The following CNTNAP2 variants were observed in gnomAD, a reference collection of about 807,000 sequenced individuals.
The protein encoded by CNTNAP2 is contactin-associated protein-like 2.
A neutral mutation model predicts 155.2 loss-of-function variants in CNTNAP2; 98 were observed. The ratio of observed to expected loss-of-function variants is 0.63; its 90% CI spans 0.54 to 0.75. The LOEUF is 0.75. Among genes scored for constraint, CNTNAP2 ranks in the 30% least tolerant of loss-of-function variants. CNTNAP2 has a pLI of 0.00. For synonymous variants in CNTNAP2, 651 were observed against 631.2 expected (o/e 1.03, Z -0.47); for missense variants, 1,727 against 1,688.1 (o/e 1.02, Z -0.40).
intron 1 of CNTNAP2, among the ~76,000 whole-genome samples, chr7:146,704,663 G>T (rs1800933128): frequency 2.6e-5 from 4 of 152,100 alleles, no homozygotes. Context: ...AGGTCAATTG[G>T]TTAACCAAAT....
At chr7:146,622,279 CTA>C (rs3077441) in intron 1 of CNTNAP2, among the ~76,000 whole-genome samples, 2,792 of 100,528 alleles carry the variant, frequency 0.028, 39 homozygotes, top group Middle Eastern at 0.059. Flanking sequence ...ATCTATCTAT[CTA>C]TATATATATA....
At chr7:147,011,444 A>G (rs13237136) in intron 3 of CNTNAP2, among the ~76,000 whole-genome samples, 43,739 of 127,038 alleles carry the variant, frequency 0.34, 9,193 homozygotes, top group South Asian at 0.41. Flanking sequence ...AAAAAAAAAA[A>G]GGAACAAGGT....
At chr7:146,249,643 C>T (rs1799724667) in intron 1 of CNTNAP2, among the ~76,000 whole-genome samples, 1 of 152,164 alleles carries the variant, frequency 6.6e-6, no homozygotes, top group Non-Finnish European at 1.5e-5. Context: ...ATTCAGTCCT[C>T]TCATGGCATG....
At chr7:147,184,792 C>G (rs1258119378) in intron 8 of CNTNAP2, among the ~76,000 whole-genome samples, 1 of 151,998 alleles carries the variant, frequency 6.6e-6, no homozygotes, top group African/African-American at 2.4e-5. Flanking sequence ...ATGTCCAAAA[C>G]GAACCAAAAA....
At chr7:146,775,826 G>A (rs970168073) in intron 2 of CNTNAP2, among the ~76,000 whole-genome samples, 20 of 152,062 alleles carry the variant, frequency 1.3e-4, no homozygotes, top group Admixed American at 1.3e-3. Flanking sequence ...TCTATGAAGA[G>A]GTCTCAGTCA....
At chr7:147,862,171 CA>C (rs937287398) in intron 13 of CNTNAP2, among the ~76,000 whole-genome samples, 5 of 152,006 alleles carry the variant, frequency 3.3e-5, no homozygotes, top group African/African-American at 1.2e-4. Context: ...TGTCCATCAT[CA>C]AAAAAGATAA....
intron 12 of CNTNAP2, among the ~76,000 whole-genome samples, chr7:147,614,311 G>T (rs1801242848): frequency 6.6e-6 from 1 of 151,974 alleles, no homozygotes; most frequent in South Asian, 2.1e-4. Flanking sequence ...CTAAGTTATT[G>T]ATTCTTCCAG....
chr7:147,269,396 A>T (rs962227414), intron 8 of CNTNAP2, among the ~76,000 whole-genome samples: 9 of 152,174 alleles, frequency 5.9e-5, no homozygotes, highest in Non-Finnish European at 1.0e-4. Flanking sequence ...CAACATAACC[A>T]TGTTGGATAT....
chr7:146,936,414 CA>C (rs1204543440), intron 3 of CNTNAP2, among the ~76,000 whole-genome samples: 2 of 152,200 alleles, frequency 1.3e-5, no homozygotes, highest in Admixed American at 1.3e-4. Context: ...TCCCACCTTG[CA>C]AAACCCACTG....
chr7:147,743,747 T>C (rs4726890), intron 13 of CNTNAP2, among the ~76,000 whole-genome samples: 130,280 of 151,788 alleles, frequency 0.86, 59,139 homozygotes, highest in Non-Finnish European at 0.99. Flanking sequence ...TGTTTTAACG[T>C]CAGTCCTCTC....
intron 1 of CNTNAP2, among the ~76,000 whole-genome samples, chr7:146,377,779 G>A (rs1795324104): frequency 6.6e-6 from 1 of 152,112 alleles, no homozygotes. Flanking sequence ...TCTAAGATTT[G>A]CCTTGTAATA....
At chr7:146,424,850 A>G (rs928004955) in intron 1 of CNTNAP2, among the ~76,000 whole-genome samples, 1 of 152,206 alleles carries the variant, frequency 6.6e-6, no homozygotes. Context: ...CAAATCTGTT[A>G]TTTAAGTACT....
At chr7:146,417,197 G>T (rs1343996598) in intron 1 of CNTNAP2, among the ~76,000 whole-genome samples, 2 of 152,044 alleles carry the variant, frequency 1.3e-5, no homozygotes, top group Non-Finnish European at 2.9e-5. Context: ...TGAACCAAAA[G>T]ATATATCTGT....
intron 9 of CNTNAP2, among the ~76,000 whole-genome samples, chr7:147,312,482 A>G (rs1050691574): frequency 7.6e-6 from 1 of 131,514 alleles, no homozygotes; most frequent in Non-Finnish European, 1.5e-5. Flanking sequence ...TCATTGTTCA[A>G]TTCCCACCTA....
chr7:148,261,990 G>T (rs1796571356), intron 20 of CNTNAP2, among the ~76,000 whole-genome samples: 1 of 152,206 alleles, frequency 6.6e-6, no homozygotes, highest in Non-Finnish European at 1.5e-5. Context: ...GAATTCCATT[G>T]TTTATCATAG....
chr7:146,929,910 A>G (rs1162207327), intron 3 of CNTNAP2, among the ~76,000 whole-genome samples: 1 of 152,132 alleles, frequency 6.6e-6, no homozygotes, highest in East Asian at 1.9e-4. Flanking sequence ...AAAGAAACGA[A>G]CAAAGCCTCC....
chr7:148,225,421 A>G (rs1275548615), intron 19 of CNTNAP2, among the ~76,000 whole-genome samples: 2 of 152,164 alleles, frequency 1.3e-5, no homozygotes, highest in East Asian at 3.9e-4. Context: ...AGAACCGGTG[A>G]CTGCAAAGGC....
chr7:146,694,830 A>C (rs1050135257), intron 1 of CNTNAP2, among the ~76,000 whole-genome samples: 1 of 152,110 alleles, frequency 6.6e-6, no homozygotes, highest in South Asian at 2.1e-4. Context: ...CCTTATATCT[A>C]AGTGTTTGAT....
intron 9 of CNTNAP2, among the ~76,000 whole-genome samples, chr7:147,390,077 T>C (rs1034425105): frequency 6.6e-6 from 1 of 152,200 alleles, no homozygotes; most frequent in South Asian, 2.1e-4. Context: ...AAATTTCATT[T>C]GTTCATAAAG....
Sources: gnomAD v4.1 joint callset for allele counts (sites outside exome capture counted in the v4.1 genomes callset) on GRCh38, gnomAD v4.1.1 for gene constraint, MANE v1.5 for transcripts, NCBI Gene and HGNC (gene_info 2026-07-23, HGNC 2026-07-21) for gene names.